Variants in OXR1 observed in about 807,000 individuals in gnomAD.
OXR1 encodes the protein oxidation resistance protein 1.
Under a neutral mutation model 104.6 loss-of-function variants are expected in OXR1, and 41 were observed. The ratio of observed to expected loss-of-function variants is 0.39; its 90% CI spans 0.31 to 0.51. The LOEUF (loss-of-function observed/expected upper bound fraction) is 0.51. Among genes scored for constraint, OXR1 ranks in the 20% least tolerant of loss-of-function variants. OXR1 has a pLI of 0.77. For synonymous variants in OXR1, 348 were observed against 348.4 expected (o/e 1.00, Z 0.01); for missense variants, 955 against 1,031.9 (o/e 0.93, Z 1.02).
chr8:106,482,912 A>G (rs1320672031), intron 2 of OXR1, among the ~76,000 whole-genome samples: 2 of 151,982 alleles, frequency 1.3e-5, no homozygotes, highest in Non-Finnish European at 2.9e-5. Context: ...TTTCCTAAAC[A>G]CTTAGTTGTA....
At chr8:106,647,504 T>TA (rs200516233) in intron 3 of OXR1, among the ~76,000 whole-genome samples, 2 of 152,120 alleles carry the variant, frequency 1.3e-5, no homozygotes, top group Non-Finnish European at 2.9e-5. Flanking sequence ...ATGCTTTATA[T>TA]AAAAAAAGAG....
At chr8:106,399,324 G>A (rs930787952) in intron 2 of OXR1, among the ~76,000 whole-genome samples, 1 of 152,162 alleles carries the variant, frequency 6.6e-6, no homozygotes, top group Non-Finnish European at 1.5e-5. Flanking sequence ...ATACAGCTGT[G>A]ACAATAGCAA....
intron 2 of OXR1, among the ~76,000 whole-genome samples, chr8:106,468,388 T>G (rs1821296541): frequency 6.6e-6 from 1 of 151,768 alleles, no homozygotes; most frequent in African/African-American, 2.4e-5. Flanking sequence ...TATTAGAAGA[T>G]AGCTATACAT....
chr8:106,508,409 AG>A (rs2130009357), intron 2 of OXR1, among the ~76,000 whole-genome samples: 1 of 152,342 alleles, frequency 6.6e-6, no homozygotes, highest in South Asian at 2.1e-4. Context: ...AGCACTACAT[AG>A]CTTTCATGTG....
intron 1 of OXR1, among the ~76,000 whole-genome samples, chr8:106,303,600 TA>T: frequency 6.6e-6 from 1 of 152,112 alleles, no homozygotes; most frequent in Non-Finnish European, 1.5e-5. Flanking sequence ...CTAAATAGAT[TA>T]AAAACCAGGA....
intron 9 of OXR1, among the ~76,000 whole-genome samples, chr8:106,708,484 T>C (rs1470263933): frequency 6.6e-6 from 1 of 152,190 alleles, no homozygotes; most frequent in African/African-American, 2.4e-5. Context: ...ACTTTGTTTC[T>C]GAATTTAACT....
chr8:106,739,307 A>C (rs1451823678), intron 12 of OXR1, 151 bp from the exon 13 acceptor site: 14 of 642,170 alleles, frequency 2.2e-5, no homozygotes, highest in Non-Finnish European at 1.1e-5. Context: ...TAGATATTAG[A>C]TATGGGCCAT....
At chr8:106,478,125 C>T (rs1195950064) in intron 2 of OXR1, among the ~76,000 whole-genome samples, 3 of 151,850 alleles carry the variant, frequency 2.0e-5, no homozygotes, top group African/African-American at 7.2e-5. Flanking sequence ...TAATTATTAA[C>T]TAGTGCTAGT....
At chr8:106,692,944 G>A in intron 7 of OXR1, 67 bp downstream of exon 7, 1 of 1,143,842 alleles carries the variant, frequency 8.7e-7, no homozygotes, top group South Asian at 1.8e-5. Flanking sequence ...ATGATAGTTT[G>A]GCATTTACAT....
intron 3 of OXR1, among the ~76,000 whole-genome samples, chr8:106,677,530 A>G (rs1482437186): frequency 1.3e-5 from 2 of 152,072 alleles, no homozygotes; most frequent in East Asian, 3.8e-4. Flanking sequence ...GTTTTTACCA[A>G]CCCGATAGGT....
intron 2 of OXR1, among the ~76,000 whole-genome samples, chr8:106,404,256 A>G (rs1418024225): frequency 6.6e-6 from 1 of 152,090 alleles, no homozygotes; most frequent in Non-Finnish European, 1.5e-5. Flanking sequence ...TCTACTGAAC[A>G]GGGGGAGACT....
intron 3 of OXR1, among the ~76,000 whole-genome samples, chr8:106,610,876 T>A (rs975867067): frequency 5.9e-5 from 9 of 152,248 alleles, no homozygotes; most frequent in African/African-American, 2.2e-4. Context: ...ATGTACACAG[T>A]CCTTCCGTCA....
intron 2 of OXR1, among the ~76,000 whole-genome samples, chr8:106,367,680 A>T (rs1010492640): frequency 3.3e-5 from 5 of 152,134 alleles, no homozygotes; most frequent in African/African-American, 1.2e-4. Context: ...CTGAAGACAG[A>T]TATAGATAAA....
chr8:106,332,917 C>A (rs1814781257), intron 1 of OXR1, among the ~76,000 whole-genome samples: 1 of 151,996 alleles, frequency 6.6e-6, no homozygotes, highest in South Asian at 2.1e-4. Flanking sequence ...TTTTGTCTGA[C>A]TTCTTTAGCT....
intron 11 of OXR1, among the ~76,000 whole-genome samples, chr8:106,718,879 A>G (rs1182604048): frequency 1.3e-5 from 2 of 151,742 alleles, no homozygotes; most frequent in African/African-American, 2.4e-5. Flanking sequence ...TAATTGCGTC[A>G]ACATGGCTGC....
chr8:106,609,954 G>T (rs768775670), intron 3 of OXR1, among the ~76,000 whole-genome samples: 3 of 152,016 alleles, frequency 2.0e-5, no homozygotes, highest in Admixed American at 2.0e-4. Flanking sequence ...TTTCCTAAAC[G>T]ATATCAGTTC....
intron 2 of OXR1, among the ~76,000 whole-genome samples, chr8:106,450,665 A>C (rs1335526901): frequency 6.6e-6 from 1 of 152,106 alleles, no homozygotes; most frequent in Non-Finnish European, 1.5e-5. Flanking sequence ...AGTAAAACAG[A>C]GCAGACCTTT....
chr8:106,549,914 A>G (rs1281356967), intron 3 of OXR1, among the ~76,000 whole-genome samples: 1 of 152,190 alleles, frequency 6.6e-6, no homozygotes, highest in African/African-American at 2.4e-5. Context: ...CCTGCTTTGG[A>G]GAAGAGCATT....
chr8:106,484,997 T>C (rs1292775593), intron 2 of OXR1, among the ~76,000 whole-genome samples: 2 of 151,926 alleles, frequency 1.3e-5, no homozygotes, highest in Non-Finnish European at 1.5e-5. Flanking sequence ...TACTCAGCAC[T>C]AATAAAAGAG....
Sources: gnomAD v4.1 joint callset for allele counts (sites outside exome capture counted in the v4.1 genomes callset) on GRCh38, gnomAD v4.1.1 for gene constraint, MANE v1.5 for transcripts, NCBI Gene and HGNC (gene_info 2026-07-23, HGNC 2026-07-21) for gene names.